The following ADAMTS16 variants were observed in gnomAD, a reference collection of about 807,000 sequenced individuals.
ADAMTS16 encodes the protein ADAM metallopeptidase with thrombospondin type 1 motif 16.
Under a neutral mutation model 145.8 loss-of-function variants are expected in ADAMTS16, and 94 were observed. The observed-to-expected ratio is 0.64, with a 90% CI of 0.55 to 0.77. The LOEUF (loss-of-function observed/expected upper bound fraction) is 0.77. Among genes scored for constraint, ADAMTS16 ranks in the 30% least tolerant of loss-of-function variants. ADAMTS16 has a pLI of 0.00. For missense variants in ADAMTS16, 1,585 were observed against 1,591.5 expected, an observed-to-expected ratio of 1.00 and a Z score of 0.07; for synonymous variants, 659 against 604.3, an observed-to-expected ratio of 1.09 and a Z score of -1.33.
At chr5:5,277,897 G>A (rs1489662470) in intron 18 of ADAMTS16, among the ~76,000 whole-genome samples, 1 of 152,088 alleles carries the variant, frequency 6.6e-6, no homozygotes, top group Non-Finnish European at 1.5e-5. Context: ...CAGGAGGATT[G>A]TTTGCACCTG....
At chr5:5,267,699 T>C (rs1162614923) in intron 18 of ADAMTS16, among the ~76,000 whole-genome samples, 1 of 152,194 alleles carries the variant, frequency 6.6e-6, no homozygotes, top group Non-Finnish European at 1.5e-5. Flanking sequence ...TCAGGGTTTT[T>C]ATAGGCCCAG....
chr5:5,228,788 G>A (rs984293520), intron 11 of ADAMTS16, among the ~76,000 whole-genome samples: 18 of 152,192 alleles, frequency 1.2e-4, no homozygotes, highest in Admixed American at 9.2e-4. Context: ...AGCATTCTTA[G>A]ATATCTGCTA....
chr5:5,220,450 G>T (rs936673753), intron 10 of ADAMTS16, among the ~76,000 whole-genome samples: 1 of 151,890 alleles, frequency 6.6e-6, no homozygotes, highest in African/African-American at 2.4e-5. Context: ...GAGCCACCGC[G>T]CCCGGCCAAT....
chr5:5,294,686 T>C (rs1194561523), intron 18 of ADAMTS16, among the ~76,000 whole-genome samples: 2 of 152,228 alleles, frequency 1.3e-5, no homozygotes, highest in Admixed American at 6.5e-5. Context: ...TCAGCCAACA[T>C]GAATGATACA....
In ADAMTS16 at chr5:5,200,223, T is replaced by G. The variant is rs201666560; in HGVS notation, c.1405T>G (p.Phe469Val). ...TACATTGGCAGGACGCAATGGAGTC[T>G]TCTCCTGGTCACCCTGCAGCCGCCA... Reference protein sequence around the residue: ...SPTLAGRNGVFSWSPCSRQYL... With the variant: ...SPTLAGRNGVVSWSPCSRQYL... The change falls in exon 9 of 23, where the codon TTC (phenylalanine) becomes GTC (valine). Residue 469 changes from phenylalanine to valine, a missense_variant. By Grantham distance (50) the Phe-to-Val change is conservative. This residue lies in a region of ADAMTS16 where 298 missense variants were observed against 367.6 expected (regional missense o/e 0.81). Coordinates refer to ENST00000274181, the MANE Select transcript of ADAMTS16 (RefSeq NM_139056.4). 1.2e-4 allele frequency: 201 copies of G among 1,614,148 alleles called. No homozygotes were observed. In the African/African-American group the frequency reaches 2.5e-3, roughly 20 times the overall value.
rs781383565 is a variant in ADAMTS16 at position 5,239,261 on chromosome 5, C to A, written c.2265C>A (p.His755Gln). 37 of 1,574,510 alleles carry A rather than the reference C, an allele frequency of 2.3e-5. No individual in the cohort carries two copies. The Admixed American group carries it at 7.1e-4, about 30-fold the overall frequency. The stretch of plus-strand genomic sequence containing the variant: ...TTCACAGGGGTCTCTACACCAAGCA[C>A]CACCACACCAACCGTGAGTACTTTA... ...CTIHRGLYTK[H>Q]HHTNQYYHMV... is the part of the protein sequence containing the mutation. The change falls in exon 15 of 23, where the codon CAC (histidine) becomes CAA (glutamine). Residue 755 changes from histidine (H) to glutamine (Q), a missense_variant. Physicochemically the swap from His to Gln is conservative, Grantham distance 24. This residue lies in a region of ADAMTS16 where 834 missense variants were observed against 811.7 expected (regional missense o/e 1.03). Transcript: ENST00000274181.
intron 21 of ADAMTS16, among the ~76,000 whole-genome samples, 162 bp downstream of exon 21, chr5:5,306,890 G>C (rs1000412515): frequency 6.6e-6 from 1 of 152,326 alleles, no homozygotes; most frequent in East Asian, 1.9e-4. Context: ...CCTGGTTCCT[G>C]GGTGTGGGTG....
At chr5:5,180,055 G>A (rs1393586109) in intron 3 of ADAMTS16, among the ~76,000 whole-genome samples, 1 of 152,104 alleles carries the variant, frequency 6.6e-6, no homozygotes, top group African/African-American at 2.4e-5. Context: ...ACTCATCCAG[G>A]ACAGCCCAGC....
At chr5:5,278,442 GC>G (rs1211547470) in intron 18 of ADAMTS16, among the ~76,000 whole-genome samples, 2 of 152,274 alleles carry the variant, frequency 1.3e-5, no homozygotes, top group East Asian at 3.9e-4. Context: ...TGTGATTAGA[GC>G]CCATGGTTAC....
At chr5:5,256,026 G>C (rs1285563134) in intron 17 of ADAMTS16, among the ~76,000 whole-genome samples, 1 of 151,820 alleles carries the variant, frequency 6.6e-6, no homozygotes, top group Non-Finnish European at 1.5e-5. Context: ...AAGTTTTTTT[G>C]GAACCTGCTA....
intron 18 of ADAMTS16, among the ~76,000 whole-genome samples, chr5:5,279,916 TTATTTC>T (rs144002897): frequency 1.7e-4 from 7 of 41,532 alleles, no homozygotes; most frequent in East Asian, 3.1e-3. Flanking sequence ...TTTTCTTTCT[TTATTTC>T]TCTTTTTCTT....
intron 18 of ADAMTS16, among the ~76,000 whole-genome samples, chr5:5,264,551 G>C (rs1212143683): frequency 2.6e-5 from 4 of 152,108 alleles, no homozygotes; most frequent in African/African-American, 7.2e-5. Flanking sequence ...TCTTTTTGTA[G>C]GTGTTACCCC....
chr5:5,196,467 A>G (rs1247741634), intron 8 of ADAMTS16, among the ~76,000 whole-genome samples: 1 of 152,080 alleles, frequency 6.6e-6, no homozygotes, highest in Non-Finnish European at 1.5e-5. Context: ...ATATTGGAGA[A>G]AGCCAGCCCC....
At chr5:5,149,843 TG>T (rs1734401436) in intron 3 of ADAMTS16, among the ~76,000 whole-genome samples, 1 of 152,242 alleles carries the variant, frequency 6.6e-6, no homozygotes, top group Non-Finnish European at 1.5e-5. Flanking sequence ...TAGCATAATG[TG>T]TTCAAGATTC....
chr5:5,190,263 C>A, intron 7 of ADAMTS16, 133 bp downstream of exon 7: 1 of 919,206 alleles, frequency 1.1e-6, no homozygotes, highest in Non-Finnish European at 1.6e-6. Flanking sequence ...TGTAAAGACT[C>A]ACTTCCCTGT....
At chr5:5,258,616 A>G (rs1214910165) in intron 17 of ADAMTS16, among the ~76,000 whole-genome samples, 1 of 152,202 alleles carries the variant, frequency 6.6e-6, no homozygotes, top group Admixed American at 6.5e-5. Context: ...CCTGCTGGCG[A>G]AGCCCACAGG....
At chr5:5,146,082 C>T (rs373378531) in intron 2 of ADAMTS16, 48 bp from the exon 3 acceptor site, 7 of 1,498,464 alleles carry the variant, frequency 4.7e-6, no homozygotes, top group Admixed American at 1.8e-5. Flanking sequence ...CCTGATTCTT[C>T]TCGGAATTCC....
At chr5:5,248,308 ATTTTTAAGCGGT>A (rs1180462394) in intron 17 of ADAMTS16, among the ~76,000 whole-genome samples, 1 of 152,182 alleles carries the variant, frequency 6.6e-6, no homozygotes, top group Non-Finnish European at 1.5e-5. Context: ...AAACATGAGG[ATTTTTAAGCGGT>A]TTCCAAAGAC....
chr5:5,149,891 T>G (rs2101010), intron 3 of ADAMTS16, among the ~76,000 whole-genome samples: 151,780 of 152,324 alleles, frequency 1, 75,639 homozygotes, highest in Middle Eastern at 1. Flanking sequence ...TTTATCCTTT[T>G]TTATTGCTGA....
Sources: gnomAD v4.1 joint callset for allele counts (sites outside exome capture counted in the v4.1 genomes callset) on GRCh38, gnomAD v4.1.1 for gene constraint, gnomAD v4.1.1 regional missense constraint, MANE v1.5 for transcripts, NCBI Gene and HGNC (gene_info 2026-07-23, HGNC 2026-07-21) for gene names.